The following CIB2 variants were observed in gnomAD, a reference collection of about 807,000 sequenced individuals.
CIB2 encodes calcium and integrin-binding family member 2.
Under a neutral mutation model 23.1 loss-of-function variants are expected in CIB2, and 19 were observed. The ratio of observed to expected loss-of-function variants is 0.82; its 90% CI spans 0.57 to 1.21. CIB2 has a LOEUF of 1.21. CIB2 is among the 50% of genes most tolerant of loss of function. The pLI is 0.00. For missense variants in CIB2, 220 were observed against 241.5 expected, an observed-to-expected ratio of 0.91 and a Z score of 0.59; for synonymous variants, 94 against 91.7, an observed-to-expected ratio of 1.03 and a Z score of -0.14.
intron 1 of CIB2, among the ~76,000 whole-genome samples, chr15:78,126,441 G>A (rs1240540042): frequency 6.6e-6 from 1 of 152,160 alleles, no homozygotes; most frequent in Non-Finnish European, 1.5e-5. Context: ...ACCACGCATA[G>A]CCTTCTTTTT....
At chr15:78,111,308 G>T (rs900894840) in intron 2 of CIB2, 32 bp from the exon 3 acceptor site, 2 of 1,574,108 alleles carry the variant, frequency 1.3e-6, no homozygotes, top group Non-Finnish European at 1.7e-6. Context: ...AGCGCTGGAG[G>T]GGGTGCCATC....
intron 1 of CIB2, among the ~76,000 whole-genome samples, chr15:78,126,898 G>C (rs1480106899): frequency 1.3e-5 from 2 of 152,184 alleles, no homozygotes; most frequent in African/African-American, 4.8e-5. Flanking sequence ...AATATGGCAG[G>C]TGTTCTTAAA....
chr15:78,113,611 A>G (rs1196120629), intron 2 of CIB2, among the ~76,000 whole-genome samples: 3 of 151,390 alleles, frequency 2.0e-5, no homozygotes, highest in Non-Finnish European at 4.4e-5. Flanking sequence ...GCTCACTGCA[A>G]GCTCCGCCTC....
chr15:78,112,510 T>C (rs971830214), intron 2 of CIB2, among the ~76,000 whole-genome samples: 2 of 152,156 alleles, frequency 1.3e-5, no homozygotes, highest in Non-Finnish European at 2.9e-5. Flanking sequence ...GAGGCTGCAG[T>C]GAGCTATGAT....
In CIB2 at chr15:78,109,171, C is replaced by G. The variant is rs1017987678; in HGVS notation, c.346+64G>C. The G allele has an allele frequency of 4.5e-6, 7 of 1,545,140 alleles. No homozygotes were observed. In the East Asian group the frequency reaches 1.1e-4, roughly 25 times the overall value. ...AGGGCAGGAGCCAGTAGTAACCAGA[C>G]AGCCTAAGGGCCCCACATGTTCCCC... On this transcript the variant is annotated intron_variant, in intron 4 of 5. Coordinates refer to ENST00000258930, the MANE Select transcript of CIB2 (RefSeq NM_006383.4).
At chr15:78,130,126 C>G (rs1389826463) in intron 1 of CIB2, among the ~76,000 whole-genome samples, 1 of 152,164 alleles carries the variant, frequency 6.6e-6, no homozygotes, top group Admixed American at 6.5e-5. Context: ...CCTATGGAGA[C>G]CCTGTTGGTG....
intron 4 of CIB2, among the ~76,000 whole-genome samples, chr15:78,106,957 GGTGGTTCACGCCT>G (rs946706426): frequency 6.6e-6 from 1 of 152,116 alleles, no homozygotes; most frequent in Non-Finnish European, 1.5e-5. Flanking sequence ...GGCCAGGCGC[GGTGGTTCACGCCT>G]GTAATCCCAG....
chr15:78,118,248 G>C (rs942462085), intron 2 of CIB2, among the ~76,000 whole-genome samples: 14 of 152,092 alleles, frequency 9.2e-5, no homozygotes, highest in African/African-American at 2.9e-4. Context: ...TGATTATCTT[G>C]GGTAGTAGGG....
chr15:78,110,509 G>A, intron 3 of CIB2: 1 of 385,800 alleles, frequency 2.6e-6, no homozygotes, highest in East Asian at 7.2e-5. Flanking sequence ...CCTGGCAAGG[G>A]GCTACTGACG....
intron 1 of CIB2, among the ~76,000 whole-genome samples, chr15:78,130,825 T>A (rs1360489464): frequency 6.6e-6 from 1 of 151,916 alleles, no homozygotes; most frequent in African/African-American, 2.4e-5. Flanking sequence ...GGGAGGGCGG[T>A]CCTCCGTCCA....
Position 78,105,254 on chromosome 15 carries a change from A to G in CIB2, c.*57T>C. 2 of 1,611,344 alleles carry G rather than the reference A, an allele frequency of 1.2e-6. No individual in the cohort carries two copies. The highest frequency in any genetic ancestry group is 1.7e-6 in the Non-Finnish European group (2 of 1,178,376). On this transcript the variant is annotated 3_prime_UTR_variant, in exon 6 of 6. Coordinates refer to ENST00000258930, the MANE Select transcript of CIB2 (RefSeq NM_006383.4). ...CCTGGGGAGCTTGGAGGCCACACCC[A>G]TGTGACTGCAGGGCAGGATGGTGGA...
chr15:78,110,182 C>T (rs1048630518), intron 3 of CIB2, among the ~76,000 whole-genome samples: 2 of 152,250 alleles, frequency 1.3e-5, no homozygotes, highest in African/African-American at 4.8e-5. Context: ...GGATGCCTTC[C>T]TAGATCCCCA....
At position 78,104,984 on chromosome 15, in the gene CIB2, T is replaced by G. The variant is rs1018532082; in HGVS notation, c.*327A>C. On this transcript the variant is annotated 3_prime_UTR_variant, in exon 6 of 6. Coordinates refer to ENST00000258930, the MANE Select transcript of CIB2 (RefSeq NM_006383.4). The surrounding 1 kb of genome is among the most constrained non-coding windows in gnomAD (Gnocchi z 4.4). ...GGACACGTCAGACCCCACCACCTCC[T>G]GTTGGGTTATCTGCTTTTCCCTCTT... is the stretch of plus-strand genomic sequence containing the variant. The G allele has an allele frequency of 1.4e-5, 5 of 351,764 alleles. No homozygotes were observed. The highest frequency in any genetic ancestry group is 2.1e-5 in the Non-Finnish European group (4 of 188,228). The allele number at this position is 351,764 out of a possible 1,614,324, so 21.8% of individuals were successfully genotyped here.
chr15:78,105,457 T>C (rs2074052175), intron 5 of CIB2, 125 bp from the exon 6 acceptor site: 5 of 1,555,272 alleles, frequency 3.2e-6, no homozygotes, highest in Admixed American at 1.9e-5. Flanking sequence ...GAACCCTGCA[T>C]AGTGGATGCA....
At position 78,131,054 on chromosome 15, in the gene CIB2, G is replaced by C; in HGVS notation, c.51+111C>G. On this transcript the variant is annotated intron_variant, in intron 1 of 5. Transcript: ENST00000258930. The surrounding 1 kb of genome is among the most constrained non-coding windows in gnomAD (Gnocchi z 5.8). ...CGCGTCGAGCTGAAGGCAGAGGCAG[G>C]GTTTGAACCTGGGAGAGCTGGCTCT... The C allele has an allele frequency of 1.1e-6, 1 of 908,638 alleles. No individual in the cohort carries two copies. Among genetic ancestry groups the C allele is most frequent in the Non-Finnish European group, 1.6e-6 (1 of 626,022 alleles). The allele number at this position is 908,638 out of a possible 1,614,324, so 56.3% of individuals were successfully genotyped here. A position where few individuals can be genotyped will look rare whatever the true frequency, so the allele number is the denominator to read the frequency against.
In CIB2 at chr15:78,105,652, A is replaced by G. The variant is rs748206351; in HGVS notation, c.542+87T>C. ...TTCCTGGCCGCACACCACTGCTCAC[A>G]AATAGCGAGTGATAGGGGCCTCAGC... On this transcript the variant is annotated intron_variant, in intron 5 of 5. Coordinates refer to ENST00000258930, the MANE Select transcript of CIB2 (RefSeq NM_006383.4). The G allele has an allele frequency of 4.1e-5, 66 of 1,602,966 alleles. No homozygotes were observed. In the African/African-American group the frequency reaches 8.3e-4, roughly 20 times the overall value.
chr15:78,115,396 A>G (rs2074223473), intron 2 of CIB2, among the ~76,000 whole-genome samples: 1 of 151,580 alleles, frequency 6.6e-6, no homozygotes, highest in Non-Finnish European at 1.5e-5. Context: ...AGTAGCTGGA[A>G]TTACAGGGGC....
intron 2 of CIB2, among the ~76,000 whole-genome samples, chr15:78,122,911 C>T (rs1034531324): frequency 1.3e-5 from 2 of 152,230 alleles, no homozygotes; most frequent in African/African-American, 2.4e-5. Context: ...CTGCAATGGG[C>T]TCTGGTCCCA....
At position 78,106,321 on chromosome 15, in the gene CIB2, G is replaced by A. The variant is rs181448189; in HGVS notation, c.347-387C>T. Among the ~76,000 whole-genome samples, 34 of 152,356 alleles carry A rather than the reference G, an allele frequency of 2.2e-4. No individual in the cohort carries two copies. In the East Asian group the frequency reaches 5.0e-3, roughly 22 times the overall value. On this transcript the variant is annotated intron_variant, in intron 4 of 5. Transcript: ENST00000258930. ...AAACTAAGGCCCAAAAAGGCCATGC[G>A]ATTGAATCAAGGTGGGAGAGCCACT... is the stretch of plus-strand genomic sequence containing the variant.
Sources: allele counts gnomAD v4.1 joint callset (sites outside exome capture counted in the v4.1 genomes callset), GRCh38; gene constraint gnomAD v4.1.1; non-coding constraint Gnocchi (gnomAD v3.1); transcripts MANE v1.5; gene names NCBI Gene and HGNC (gene_info 2026-07-23, HGNC 2026-07-21).